The following SCAPER variants were observed in gnomAD, a reference collection of about 807,000 sequenced individuals.
The protein encoded by SCAPER is S phase cyclin A-associated protein in the endoplasmic reticulum.
A neutral mutation model predicts 182.2 loss-of-function variants in SCAPER; 98 were observed. That is an observed-to-expected ratio of 0.54 (90% CI 0.46 to 0.64). SCAPER has a LOEUF of 0.64. Ranked by LOEUF, SCAPER falls within the 30% of genes least tolerant of loss-of-function variation. The probability of loss-of-function intolerance (pLI) is 0.00; values close to 1 mark genes in which losing one functional copy is unlikely to be tolerated. For synonymous variants in SCAPER, 605 were observed against 564.6 expected (o/e 1.07, Z -1.01); for missense variants, 1,432 against 1,690.0 (o/e 0.85, Z 2.68).
intron 22 of SCAPER, among the ~76,000 whole-genome samples, chr15:76,612,688 A>G (rs1461424154): frequency 6.6e-6 from 1 of 152,230 alleles, no homozygotes; most frequent in African/African-American, 2.4e-5. Context: ...CAAAAAGAAT[A>G]AAATACCTAG....
intron 29 of SCAPER, among the ~76,000 whole-genome samples, chr15:76,366,994 C>A (rs1239604304): frequency 1.3e-5 from 2 of 152,182 alleles, no homozygotes; most frequent in Admixed American, 1.3e-4. Context: ...CACAGAGGAA[C>A]CCTGTAGGCA....
At chr15:76,576,075 A>G (rs114887945) in intron 22 of SCAPER, among the ~76,000 whole-genome samples, 1 of 152,254 alleles carries the variant, frequency 6.6e-6, no homozygotes, top group East Asian at 1.9e-4. Flanking sequence ...TTTTAACAAT[A>G]TCCAGACCAA....
At chr15:76,807,240 A>C (rs966020552) in intron 5 of SCAPER, among the ~76,000 whole-genome samples, 6 of 152,136 alleles carry the variant, frequency 3.9e-5, no homozygotes, top group African/African-American at 1.4e-4. Context: ...TTCCCTATTG[A>C]ATGTTTTTAT....
intron 20 of SCAPER, among the ~76,000 whole-genome samples, chr15:76,685,274 CCG>C (rs2057967747): frequency 6.6e-6 from 1 of 151,786 alleles, no homozygotes; most frequent in African/African-American, 2.4e-5. Context: ...CAGAATGCCA[CCG>C]CTACATGTGT....
At chr15:76,606,972 T>G (rs1003062062) in intron 22 of SCAPER, among the ~76,000 whole-genome samples, 11 of 152,254 alleles carry the variant, frequency 7.2e-5, no homozygotes, top group Admixed American at 2.6e-4. Context: ...CTTTATCCAA[T>G]TTGCCAGTCT....
At chr15:76,363,469 G>T (rs1319746435) in intron 29 of SCAPER, among the ~76,000 whole-genome samples, 1 of 152,200 alleles carries the variant, frequency 6.6e-6, no homozygotes, top group Non-Finnish European at 1.5e-5. Context: ...CAGAGAGGAG[G>T]GGTAGGGTAG....
chr15:76,720,529 G>C (rs2060167391), intron 17 of SCAPER, among the ~76,000 whole-genome samples: 1 of 152,304 alleles, frequency 6.6e-6, no homozygotes, highest in South Asian at 2.1e-4. Flanking sequence ...GGTTGAACTA[G>C]TTTACAGTCC....
At chr15:76,376,824 C>T (rs1024116696) in intron 28 of SCAPER, among the ~76,000 whole-genome samples, 7 of 152,002 alleles carry the variant, frequency 4.6e-5, no homozygotes, top group Non-Finnish European at 8.8e-5. Flanking sequence ...CTCTATAAAC[C>T]GAAGGCTCCC....
At chr15:76,490,559 T>G (rs961684154) in intron 24 of SCAPER, among the ~76,000 whole-genome samples, 2 of 152,214 alleles carry the variant, frequency 1.3e-5, no homozygotes, top group African/African-American at 4.8e-5. Context: ...CTTTCTCTGA[T>G]ATGGTTTGCA....
At chr15:76,369,676 C>T (rs953094691) in intron 29 of SCAPER, among the ~76,000 whole-genome samples, 3 of 152,154 alleles carry the variant, frequency 2.0e-5, no homozygotes, top group East Asian at 1.9e-4. Flanking sequence ...TACTGGATTT[C>T]GTGGGGGCAG....
intron 5 of SCAPER, among the ~76,000 whole-genome samples, chr15:76,825,713 A>G (rs536676409): frequency 1.3e-5 from 2 of 152,220 alleles, no homozygotes; most frequent in African/African-American, 4.8e-5. Flanking sequence ...TACTACACCT[A>G]GTGGTCTGGG....
intron 29 of SCAPER, among the ~76,000 whole-genome samples, chr15:76,358,930 G>C (rs2041197034): frequency 1.3e-5 from 2 of 152,214 alleles, no homozygotes; most frequent in Non-Finnish European, 2.9e-5. Context: ...GTGTTAGGCA[G>C]CCCTGGGCTC....
intron 17 of SCAPER, among the ~76,000 whole-genome samples, chr15:76,719,548 T>C (rs1036638388): frequency 6.6e-6 from 1 of 152,128 alleles, no homozygotes; most frequent in Admixed American, 6.6e-5. Context: ...TTAGTTGCCC[T>C]TGCCACTAAA....
intron 1 of SCAPER, among the ~76,000 whole-genome samples, chr15:76,893,328 TA>T (rs955384730): frequency 3.3e-5 from 5 of 151,248 alleles, no homozygotes; most frequent in East Asian, 3.9e-4. Context: ...AGTATAATAA[TA>T]AAAAAAAGTC....
At chr15:76,787,324 T>C (rs958613511) in intron 8 of SCAPER, among the ~76,000 whole-genome samples, 2 of 152,202 alleles carry the variant, frequency 1.3e-5, no homozygotes, top group Admixed American at 6.5e-5. Context: ...CACGCTTATA[T>C]GGCCAGCTAA....
chr15:76,701,140 T>C (rs775298130), intron 20 of SCAPER, among the ~76,000 whole-genome samples: 103 of 151,278 alleles, frequency 6.8e-4, no homozygotes, highest in Non-Finnish European at 5.5e-4. Flanking sequence ...TACATAAAGG[T>C]ACCTGCCCTC....
chr15:76,494,212 T>A (rs1423419905), intron 24 of SCAPER, among the ~76,000 whole-genome samples: 1 of 152,226 alleles, frequency 6.6e-6, no homozygotes, highest in Admixed American at 6.5e-5. Flanking sequence ...CACTCCACAT[T>A]TGCTGGCTGA....
intron 21 of SCAPER, among the ~76,000 whole-genome samples, chr15:76,640,547 T>C (rs970592265): frequency 2.6e-5 from 4 of 152,202 alleles, no homozygotes; most frequent in African/African-American, 9.6e-5. Flanking sequence ...CCCCATTCAA[T>C]GGGTAAAATC....
Position 76,874,296 on chromosome 15 carries a change from A to C in SCAPER, c.6+9516T>G, listed in dbSNP as rs1338636603. Among the ~76,000 whole-genome samples, 3 of 152,216 alleles carry C rather than the reference A, an allele frequency of 2.0e-5. No homozygotes were observed. The East Asian group carries it at 5.8e-4, about 29-fold the overall frequency. On this transcript the variant is annotated intron_variant, in intron 2 of 31. Coordinates refer to ENST00000563290, the MANE Select transcript of SCAPER (RefSeq NM_020843.4). ...AAAATGATGGCAGGTTAACATTTAC[A>C]AGATGCAGCTTAAAAGAAACTGCAT...
Sources: allele counts gnomAD v4.1 joint callset (sites outside exome capture counted in the v4.1 genomes callset), GRCh38; gene constraint gnomAD v4.1.1; transcripts MANE v1.5; gene names NCBI Gene and HGNC (gene_info 2026-07-23, HGNC 2026-07-21).